The following SMAD3 variants were observed in gnomAD, a reference collection of about 807,000 sequenced individuals.
SMAD3 encodes MAD homolog 3.
In SMAD3, 12 loss-of-function variants were observed where a neutral mutation model predicts 51.8. The ratio of observed to expected loss-of-function variants is 0.23; its 90% CI spans 0.15 to 0.38. The LOEUF (loss-of-function observed/expected upper bound fraction) is 0.38, where lower values mean the gene tolerates loss of function less well. Among genes scored for constraint, SMAD3 ranks in the 10% least tolerant of loss-of-function variants. The pLI is 1.00. For missense variants in SMAD3, 294 were observed against 565.6 expected, an observed-to-expected ratio of 0.52 and a Z score of 4.87; for synonymous variants, 238 against 227.7, an observed-to-expected ratio of 1.05 and a Z score of -0.41.
chr15:67,155,655 AAAAAG>A (rs1230427226), intron 1 of SMAD3, among the ~76,000 whole-genome samples: 2 of 152,194 alleles, frequency 1.3e-5, no homozygotes, highest in African/African-American at 4.8e-5. Context: ...TGAACCAGAA[AAAAAG>A]AAAAGGAAAA....
At chr15:67,098,177 G>A (rs1960656028) in intron 1 of SMAD3, among the ~76,000 whole-genome samples, 1 of 152,156 alleles carries the variant, frequency 6.6e-6, no homozygotes, top group Non-Finnish European at 1.5e-5. Flanking sequence ...GTTTCTTTAA[G>A]TGCTGCTCAC....
intron 1 of SMAD3, among the ~76,000 whole-genome samples, chr15:67,082,403 G>A (rs1566961996): frequency 6.6e-6 from 1 of 152,152 alleles, no homozygotes; most frequent in Non-Finnish European, 1.5e-5. Flanking sequence ...ATAACAACTT[G>A]CCCTAGGGTT....
rs1959900591 is a variant in SMAD3, at chr15:67,065,892, C to T, written c.-263C>T. 1 of 216,886 alleles carries T rather than the reference C, an allele frequency of 4.6e-6. No individual in the cohort carries two copies. The highest frequency in any genetic ancestry group is 9.2e-6 in the Non-Finnish European group (1 of 108,158). 13.4% of individuals were successfully genotyped at this position (216,886 alleles called of 1,614,324 possible). A position where few individuals can be genotyped will look rare whatever the true frequency, so the allele number is the denominator to read the frequency against. Reference sequence around the variant, plus strand: ...CCTCCGCCCCGCGTTCGGGGCCTTCCCGACCCTGCACTGCTGCCGTCCGCC... The same window carrying T: ...CCTCCGCCCCGCGTTCGGGGCCTTCTCGACCCTGCACTGCTGCCGTCCGCC... On this transcript the variant is annotated 5_prime_UTR_variant, in exon 1 of 9. Transcript: ENST00000327367.
chr15:67,083,992 TCTC>T (rs1206276290), intron 1 of SMAD3, among the ~76,000 whole-genome samples: 6 of 152,046 alleles, frequency 3.9e-5, no homozygotes, highest in Non-Finnish European at 5.9e-5. Context: ...GTGTTGGTCT[TCTC>T]TTCTACAAAA....
chr15:67,103,350 C>A (rs1324054526), intron 1 of SMAD3, among the ~76,000 whole-genome samples: 3 of 152,210 alleles, frequency 2.0e-5, no homozygotes, highest in Non-Finnish European at 4.4e-5. Context: ...AAGGGGATAG[C>A]AGGACCCACC....
intron 1 of SMAD3, among the ~76,000 whole-genome samples, chr15:67,138,948 G>A (rs781072225): frequency 6.6e-6 from 1 of 152,178 alleles, no homozygotes; most frequent in Non-Finnish European, 1.5e-5. Context: ...AACTGTAGCC[G>A]ATTCCCAGCC....
At chr15:67,078,631 G>A (rs914968046) in intron 1 of SMAD3, among the ~76,000 whole-genome samples, 4 of 152,298 alleles carry the variant, frequency 2.6e-5, no homozygotes, top group African/African-American at 7.2e-5. Context: ...GGTGGTTTAA[G>A]TTGCTGGGTT....
chr15:67,114,117 C>T (rs2140237199), intron 1 of SMAD3, among the ~76,000 whole-genome samples: 1 of 152,222 alleles, frequency 6.6e-6, no homozygotes, highest in African/African-American at 2.4e-5. Flanking sequence ...GGTTGTGTGC[C>T]CTTGCCCTGA....
At chr15:67,153,854 A>C (rs1962213667) in intron 1 of SMAD3, among the ~76,000 whole-genome samples, 1 of 152,174 alleles carries the variant, frequency 6.6e-6, no homozygotes, top group South Asian at 2.1e-4. Context: ...TTTACAGATA[A>C]TTATCATCAG....
chr15:67,121,551 C>T (rs1961264762), intron 1 of SMAD3, among the ~76,000 whole-genome samples: 1 of 152,170 alleles, frequency 6.6e-6, no homozygotes, highest in African/African-American at 2.4e-5. Context: ...GCAGTTTGTA[C>T]TGGGCGTTTA....
chr15:67,115,943 G>C (rs984739183), intron 1 of SMAD3, among the ~76,000 whole-genome samples: 1 of 150,304 alleles, frequency 6.7e-6, no homozygotes, highest in Non-Finnish European at 1.5e-5. Context: ...AATCAGAAGA[G>C]CATGTCTCTC....
intron 1 of SMAD3, among the ~76,000 whole-genome samples, chr15:67,127,355 A>T (rs1450818820): frequency 6.6e-6 from 1 of 152,210 alleles, no homozygotes; most frequent in African/African-American, 2.4e-5. Flanking sequence ...GGCTTGACAC[A>T]GCTAGCCATC....
Position 67,065,671 on chromosome 15 carries a change from G to T in SMAD3, c.-484G>T, listed in dbSNP as rs1566955912. 1.3e-5 allele frequency among the ~76,000 whole-genome samples: 2 copies of T among 151,566 alleles called. No individual in the cohort carries two copies. The highest frequency in any genetic ancestry group is 1.5e-5 in the Non-Finnish European group (1 of 67,816). ...CCCCGGGCCGGCCCAGCCAGCGAGC[G>T]AGCGAGCGGCGAGCCGGGAGGAGGA... On this transcript the variant is annotated 5_prime_UTR_variant, in exon 1 of 9. Transcript: ENST00000327367.
intron 1 of SMAD3, among the ~76,000 whole-genome samples, chr15:67,119,734 G>A (rs1340925463): frequency 1.3e-5 from 2 of 152,308 alleles, no homozygotes; most frequent in East Asian, 3.9e-4. Flanking sequence ...GTCATAGCAA[G>A]TTGATATTTT....
intron 8 of SMAD3, among the ~76,000 whole-genome samples, chr15:67,189,889 A>G (rs991954703): frequency 1.3e-5 from 2 of 152,042 alleles, no homozygotes; most frequent in African/African-American, 2.4e-5. Context: ...GATGAGAATT[A>G]TATCAGCACA....
chr15:67,105,652 TC>T (rs2079668521), intron 1 of SMAD3, among the ~76,000 whole-genome samples: 4 of 152,182 alleles, frequency 2.6e-5, no homozygotes, highest in Non-Finnish European at 5.9e-5. Flanking sequence ...TTTTGGCACT[TC>T]CAGAAAAGGG....
intron 1 of SMAD3, chr15:67,098,790 G>A (rs1045509734): frequency 7.4e-6 from 5 of 672,582 alleles, no homozygotes; most frequent in Non-Finnish European, 1.1e-5. Flanking sequence ...TGGGCATGGA[G>A]GGTCCTACGC....
At position 67,184,782 on chromosome 15, in the gene SMAD3, T is replaced by C; in HGVS notation, c.927T>C (p.Ser309=). The change falls in exon 7 of 9, where the codon AGT becomes AGC. Residue 309 remains serine (S), a synonymous_variant. Transcript: ENST00000327367. ...GGGAGGTCTTCGCAGAGTGCCTCAG[T>C]GACAGCGCTATTTTTGTCCAGTCTC... is the stretch of plus-strand genomic sequence containing the variant. ...IGGEVFAECL[S]DSAIFVQSPN... The C allele has an allele frequency of 6.2e-7, 1 of 1,614,000 alleles. No individual in the cohort carries two copies. Among genetic ancestry groups the C allele is most frequent in the South Asian group, 1.1e-5 (1 of 91,076 alleles).
intron 1 of SMAD3, chr15:67,078,029 C>T (rs931592230): frequency 4.6e-5 from 7 of 152,348 alleles, no homozygotes; most frequent in Admixed American, 2.0e-4. Flanking sequence ...GGTTTTCTGC[C>T]CGAGTTATCC....
Sources: gnomAD v4.1 joint callset for allele counts (sites outside exome capture counted in the v4.1 genomes callset) on GRCh38, gnomAD v4.1.1 for gene constraint, MANE v1.5 for transcripts, NCBI Gene and HGNC (gene_info 2026-07-23, HGNC 2026-07-21) for gene names.